Variants in LRRIQ3 observed in about 807,000 individuals in gnomAD.
LRRIQ3 encodes leucine rich repeats and IQ motif containing 3.
A neutral mutation model predicts 59.3 loss-of-function variants in LRRIQ3; 75 were observed. The observed-to-expected ratio is 1.26, with a 90% CI of 1.05 to 1.53. LRRIQ3 has a LOEUF of 1.53. Ranked by LOEUF, LRRIQ3 falls within the 40% of genes most tolerant of loss-of-function variation. LRRIQ3 has a pLI of 0.00. For missense variants in LRRIQ3, 831 were observed against 710.0 expected, an observed-to-expected ratio of 1.17 and a Z score of -1.94; for synonymous variants, 250 against 231.3, an observed-to-expected ratio of 1.08 and a Z score of -0.73.
At chr1:74,094,371 G>A (rs769467025) in intron 5 of LRRIQ3, among the ~76,000 whole-genome samples, 1 of 152,118 alleles carries the variant, frequency 6.6e-6, no homozygotes, top group South Asian at 2.1e-4. Context: ...AGGGGTCTTT[G>A]TAAGAGGGAG....
chr1:74,194,311 A>G (rs1570293711), intron 1 of LRRIQ3, among the ~76,000 whole-genome samples: 1 of 152,214 alleles, frequency 6.6e-6, no homozygotes, highest in East Asian at 1.9e-4. Context: ...GTCTAGTAGA[A>G]CAGTCAGACT....
intron 5 of LRRIQ3, among the ~76,000 whole-genome samples, chr1:74,098,452 A>T (rs1330423147): frequency 6.6e-6 from 1 of 152,118 alleles, no homozygotes; most frequent in Non-Finnish European, 1.5e-5. Context: ...CACAAAAATA[A>T]TGTGAGACTT....
intron 4 of LRRIQ3, among the ~76,000 whole-genome samples, chr1:74,115,778 C>T (rs1646769240): frequency 6.6e-6 from 1 of 152,028 alleles, no homozygotes; most frequent in Admixed American, 6.6e-5. Flanking sequence ...GCTTCAGGGT[C>T]ATGAATCTAT....
chr1:74,095,452 C>T (rs1238660254), intron 5 of LRRIQ3, among the ~76,000 whole-genome samples: 2 of 152,028 alleles, frequency 1.3e-5, no homozygotes, highest in East Asian at 3.9e-4. Context: ...ATATCCATAA[C>T]ATGTATAACA....
chr1:74,048,294 C>A (rs1654263938), intron 6 of LRRIQ3, among the ~76,000 whole-genome samples: 2 of 152,082 alleles, frequency 1.3e-5, no homozygotes, highest in South Asian at 4.1e-4. Flanking sequence ...TATTTATTTC[C>A]ATTTTACTTC....
chr1:74,065,810 A>G (rs1654849444), intron 6 of LRRIQ3, among the ~76,000 whole-genome samples: 1 of 152,102 alleles, frequency 6.6e-6, no homozygotes, highest in South Asian at 2.1e-4. Context: ...AAACAGAATG[A>G]TCCTGAGATA....
chr1:74,050,870 C>T (rs911680834), intron 6 of LRRIQ3, among the ~76,000 whole-genome samples: 16 of 152,136 alleles, frequency 1.1e-4, no homozygotes, highest in Admixed American at 2.6e-4. Flanking sequence ...CAATTTCTTC[C>T]TATTTTCTTA....
chr1:74,153,217 T>G (rs1043354270), intron 4 of LRRIQ3, among the ~76,000 whole-genome samples: 1 of 152,144 alleles, frequency 6.6e-6, no homozygotes, highest in Non-Finnish European at 1.5e-5. Context: ...ATTCTAAGAA[T>G]AAAAGTATAC....
chr1:74,028,359 T>C (rs1653584036), intron 7 of LRRIQ3, among the ~76,000 whole-genome samples: 1 of 152,132 alleles, frequency 6.6e-6, no homozygotes, highest in African/African-American at 2.4e-5. Context: ...TTTTCTTCAT[T>C]GTTAAGGAGA....
In LRRIQ3 at chr1:74,080,853, A is replaced by G. The variant is rs183246859; in HGVS notation, c.868-6063T>C. On this transcript the variant is annotated intron_variant, in intron 5 of 7. Coordinates refer to ENST00000354431, the MANE Select transcript of LRRIQ3 (RefSeq NM_001105659.2). Reference sequence around the variant, plus strand: ...GGTTAACGTGTACAGCAATCCATGTATGGCAAGTAAATAGGGTTGTCCTCA... The same window carrying G: ...GGTTAACGTGTACAGCAATCCATGTGTGGCAAGTAAATAGGGTTGTCCTCA... 2.9e-3 allele frequency among the ~76,000 whole-genome samples: 447 copies of G among 151,722 alleles called. 1 individual carries two copies. Among genetic ancestry groups the G allele is most frequent in the African/African-American group, 0.01 (421 of 41,510 alleles).
chr1:74,090,462 T>C (rs1004282481), intron 5 of LRRIQ3, among the ~76,000 whole-genome samples: 1 of 152,020 alleles, frequency 6.6e-6, no homozygotes, highest in South Asian at 2.1e-4. Flanking sequence ...AGATAATGAT[T>C]ATCAGGTCAA....
intron 5 of LRRIQ3, among the ~76,000 whole-genome samples, chr1:74,091,247 C>T (rs770686782): frequency 2.0e-5 from 3 of 152,014 alleles, no homozygotes; most frequent in Admixed American, 6.6e-5. Flanking sequence ...CATAAAATCT[C>T]GAGATTTAAA....
intron 3 of LRRIQ3, among the ~76,000 whole-genome samples, chr1:74,166,424 T>C (rs1242945182): frequency 6.6e-6 from 1 of 151,848 alleles, no homozygotes. Context: ...TGTTGATAAT[T>C]TGTCTCTCCC....
intron 4 of LRRIQ3, among the ~76,000 whole-genome samples, chr1:74,141,027 T>G (rs1450788356): frequency 2.6e-5 from 4 of 151,866 alleles, no homozygotes; most frequent in African/African-American, 7.2e-5. Context: ...GGCTGAATAT[T>G]TGTCTACTGT....
At chr1:74,161,086 T>C (rs1233060540) in intron 3 of LRRIQ3, among the ~76,000 whole-genome samples, 1 of 152,042 alleles carries the variant, frequency 6.6e-6, no homozygotes, top group Non-Finnish European at 1.5e-5. Flanking sequence ...ATAAAGCTAC[T>C]GGCAGTTTTA....
At chr1:74,060,266 CTTCT>C (rs1445254204) in intron 6 of LRRIQ3, among the ~76,000 whole-genome samples, 1 of 149,264 alleles carries the variant, frequency 6.7e-6, no homozygotes, top group Non-Finnish European at 1.5e-5. Flanking sequence ...TCCTCTTCCT[CTTCT>C]TTCTCTTCCT....
chr1:74,062,707 C>T (rs548038452), intron 6 of LRRIQ3, among the ~76,000 whole-genome samples: 2 of 152,154 alleles, frequency 1.3e-5, no homozygotes, highest in Admixed American at 1.3e-4. Flanking sequence ...GAGCTGTAGG[C>T]CATTATCCTC....
chr1:74,073,427 C>T (rs971232187), intron 6 of LRRIQ3, among the ~76,000 whole-genome samples: 4 of 151,992 alleles, frequency 2.6e-5, no homozygotes, highest in African/African-American at 4.8e-5. Context: ...TGGAGGATCG[C>T]TTGATCCTGG....
chr1:74,140,308 A>G (rs1293688023), intron 4 of LRRIQ3, among the ~76,000 whole-genome samples: 3 of 151,934 alleles, frequency 2.0e-5, no homozygotes, highest in African/African-American at 7.2e-5. Context: ...AGCCATAAAG[A>G]TTACTAGATG....
Sources: allele counts gnomAD v4.1 joint callset (sites outside exome capture counted in the v4.1 genomes callset), GRCh38; gene constraint gnomAD v4.1.1; transcripts MANE v1.5; gene names NCBI Gene and HGNC (gene_info 2026-07-23, HGNC 2026-07-21).